The following CPS1 variants were observed in gnomAD, a reference collection of about 807,000 sequenced individuals.
CPS1 encodes carbamoyl-phosphate synthase [ammonia], mitochondrial.
Under a neutral mutation model 174.6 loss-of-function variants are expected in CPS1, and 109 were observed. The ratio of observed to expected loss-of-function variants is 0.62; its 90% CI spans 0.53 to 0.73. The LOEUF (loss-of-function observed/expected upper bound fraction) is 0.73. Ranked by LOEUF, CPS1 falls within the 30% of genes least tolerant of loss-of-function variation. CPS1 has a pLI of 0.00. For missense variants in CPS1, 1,689 were observed against 1,821.9 expected (o/e 0.93, Z 1.33); for synonymous variants, 637 against 632.0 (o/e 1.01, Z -0.12).
At chr2:210,553,091 A>G (rs187307832), upstream of CPS1, among the ~76,000 whole-genome samples, 151 of 151,930 alleles carry the variant, frequency 9.9e-4, 2 homozygotes, top group Non-Finnish European at 1.9e-4. Flanking sequence ...AGCAATGAAA[A>G]TGGAATATTT....
chr2:210,536,671 C>A lies in CPS1; in HGVS notation c.4-20048C>A, dbSNP rs536618828. 1.7e-4 allele frequency among the ~76,000 whole-genome samples: 26 copies of A among 152,124 alleles called. No individual in the cohort carries two copies. The South Asian group carries it at 4.4e-3, about 26-fold the overall frequency. ...ATATAAGCCCCATGGATTGGCAATC[C>A]AAATTGAGCTAGTAGATCTTCAAAG... On this transcript the variant is annotated intron_variant, in intron 1 of 38. Transcript: ENST00000430249.
chr2:210,610,782 T>C (rs1009228925), intron 19 of CPS1, among the ~76,000 whole-genome samples: 3 of 151,550 alleles, frequency 2.0e-5, no homozygotes, highest in Non-Finnish European at 4.4e-5. Context: ...GAGAGAGTAT[T>C]GAAAAGCACA....
chr2:210,620,799 C>T (rs763571440), intron 21 of CPS1, among the ~76,000 whole-genome samples: 3 of 151,980 alleles, frequency 2.0e-5, no homozygotes, highest in Non-Finnish European at 4.4e-5. Flanking sequence ...ATCCAGTCAC[C>T]TCCCACCAGT....
chr2:210,557,593 C>T (rs993953548), intron 1 of CPS1, among the ~76,000 whole-genome samples: 4 of 151,998 alleles, frequency 2.6e-5, no homozygotes, highest in African/African-American at 9.7e-5. Flanking sequence ...CTTCCTGCAA[C>T]TTTATGAAGA....
At position 210,589,997 on chromosome 2, in the gene CPS1, A is replaced by C. The variant is rs924603852; in HGVS notation, c.712-109A>C. 2.8e-6 allele frequency: 4 copies of C among 1,453,716 alleles called. No homozygotes were observed. In the African/African-American group the frequency reaches 4.2e-5, roughly 15 times the overall value. 90.1% of individuals were successfully genotyped at this position (1,453,716 alleles called of 1,614,324 possible). A position where few individuals can be genotyped will look rare whatever the true frequency, so the allele number is the denominator to read the frequency against. On this transcript the variant is annotated intron_variant, in intron 7 of 37. Transcript: ENST00000233072. ...GCATTATTTATTTTAAATGTTTACA[A>C]ATTTTTCCTTCCCTTTAAGGAATGG...
chr2:210,599,828 G>T (rs572085815), intron 14 of CPS1, among the ~76,000 whole-genome samples: 1 of 151,812 alleles, frequency 6.6e-6, no homozygotes, highest in Non-Finnish European at 1.5e-5. Context: ...CTACTCTATC[G>T]CAGGATATTG....
At chr2:210,505,479 T>C (rs1695253306) in intron 1 of CPS1, among the ~76,000 whole-genome samples, 1 of 152,076 alleles carries the variant, frequency 6.6e-6, no homozygotes, top group Non-Finnish European at 1.5e-5. Context: ...AGAAGACGAA[T>C]GATTTCTGCA....
intron 1 of CPS1, among the ~76,000 whole-genome samples, chr2:210,571,382 A>T (rs770757887): frequency 2.6e-5 from 4 of 151,936 alleles, no homozygotes; most frequent in African/African-American, 4.8e-5. Context: ...ACATACAAAC[A>T]CACATAAAAT....
At chr2:210,482,196 A>G (rs1037817872) in intron 1 of CPS1, among the ~76,000 whole-genome samples, 1 of 152,152 alleles carries the variant, frequency 6.6e-6, no homozygotes, top group Non-Finnish European at 1.5e-5. Context: ...ATTCTCATAC[A>G]TTGTATCAGG....
chr2:210,667,213 T>G (rs1257855752), intron 33 of CPS1, among the ~76,000 whole-genome samples: 3 of 152,176 alleles, frequency 2.0e-5, no homozygotes, highest in Non-Finnish European at 2.9e-5. Flanking sequence ...CTTATCAGCT[T>G]AAGGAGATTT....
chr2:210,650,330 C>A (rs373125962), intron 27 of CPS1, 33 bp from the exon 28 acceptor site: 18 of 1,570,896 alleles, frequency 1.1e-5, no homozygotes, highest in East Asian at 9.0e-5. Context: ...TTAGCATAAA[C>A]CTGACCTGCT....
chr2:210,599,241 A>C (rs1344486361), intron 13 of CPS1, 131 bp from the exon 14 acceptor site: 1 of 760,132 alleles, frequency 1.3e-6, no homozygotes, highest in Non-Finnish European at 2.3e-6. Flanking sequence ...TCCATTCACT[A>C]GTCCTGTTAC....
intron 1 of CPS1, among the ~76,000 whole-genome samples, chr2:210,478,730 A>G (rs1694475281): frequency 6.6e-6 from 1 of 152,174 alleles, no homozygotes; most frequent in South Asian, 2.1e-4. Context: ...TTATTTTATT[A>G]GCTTTTTACC....
intron 17 of CPS1, 61 bp from the exon 18 acceptor site, chr2:210,606,670 A>C: frequency 6.8e-7 from 1 of 1,473,356 alleles, no homozygotes; most frequent in Non-Finnish European, 9.5e-7. Context: ...TAGATGGTTA[A>C]GTCGCTGAAG....
chr2:210,648,380 G>C, intron 26 of CPS1, 93 bp from the exon 27 acceptor site: 1 of 1,065,372 alleles, frequency 9.4e-7, no homozygotes, highest in Non-Finnish European at 1.4e-6. Context: ...GAATAAAGAA[G>C]CTGGGCTACC....
chr2:210,630,311 G>T (rs535522267), intron 21 of CPS1, among the ~76,000 whole-genome samples: 36 of 152,142 alleles, frequency 2.4e-4, no homozygotes, highest in Non-Finnish European at 3.8e-4. Flanking sequence ...TAGCAAAAAA[G>T]AACAGGAAAT....
chr2:210,654,200 T>C, intron 29 of CPS1, 98 bp downstream of exon 29: 1 of 1,090,522 alleles, frequency 9.2e-7, no homozygotes, highest in Non-Finnish European at 1.4e-6. Context: ...ATAATATCTA[T>C]AAAACAGGTC....
chr2:210,516,135 A>AGTAT (rs1314373292), intron 1 of CPS1, among the ~76,000 whole-genome samples: 5 of 151,596 alleles, frequency 3.3e-5, no homozygotes, highest in African/African-American at 1.2e-4. Flanking sequence ...TTGACCTTTG[A>AGTAT]GTATGTTCTG....
chr2:210,570,158 A>G (rs963466608), intron 1 of CPS1, among the ~76,000 whole-genome samples: 2 of 151,992 alleles, frequency 1.3e-5, no homozygotes, highest in Non-Finnish European at 2.9e-5. Context: ...ATATATAGAG[A>G]GTACTTTAGG....
Sources: allele counts gnomAD v4.1 joint callset (sites outside exome capture counted in the v4.1 genomes callset), GRCh38; gene constraint gnomAD v4.1.1; transcripts MANE v1.5; gene names NCBI Gene and HGNC (gene_info 2026-07-23, HGNC 2026-07-21).